Variants in TG observed in about 807,000 individuals in gnomAD.
The protein encoded by TG is thyroglobulin.
TG carries 270 observed loss-of-function variants against 324.7 expected under a neutral mutation model. The observed-to-expected ratio is 0.83, with a 90% CI of 0.75 to 0.92. TG has a LOEUF of 0.92. Ranked by LOEUF, TG falls within the 40% of genes least tolerant of loss-of-function variation. The pLI is 0.00. For missense variants in TG, 3,591 were observed against 3,456.4 expected (o/e 1.04, Z -0.98); for synonymous variants, 1,401 against 1,327.0 (o/e 1.06, Z -1.21).
chr8:132,895,854 A>T (rs1480752003), intron 11 of TG, among the ~76,000 whole-genome samples: 1 of 152,222 alleles, frequency 6.6e-6, no homozygotes, highest in East Asian at 1.9e-4. Context: ...TAGTCATTGA[A>T]TGGCATGTTG....
chr8:133,047,984 G>T, intron 41 of TG: 1 of 1,145,076 alleles, frequency 8.7e-7, no homozygotes, highest in South Asian at 1.3e-5. Flanking sequence ...CCTCCCCCAG[G>T]AAAGGCAGGA....
intron 41 of TG, among the ~76,000 whole-genome samples, chr8:133,057,774 C>CA (rs5895173): frequency 0.075 from 10,677 of 141,898 alleles, 447 homozygotes; most frequent in African/African-American, 0.12. Context: ...AAACAAAAAA[C>CA]AAAAAAAAAA....
chr8:132,980,805 GGTATCAGAAATGTT>G (rs945289623), intron 34 of TG, among the ~76,000 whole-genome samples: 3 of 152,172 alleles, frequency 2.0e-5, no homozygotes, highest in African/African-American at 7.2e-5. Context: ...TGACAGATGT[GGTATCAGAAATGTT>G]GTGAGTAAAA....
chr8:132,910,251 C>T (rs1446365971), intron 18 of TG, among the ~76,000 whole-genome samples: 2 of 152,200 alleles, frequency 1.3e-5, no homozygotes, highest in African/African-American at 4.8e-5. Context: ...GGCTGGCTTT[C>T]AGGGCCCTGT....
chr8:132,899,094 G>A (rs777304414), intron 14 of TG, 184 bp downstream of exon 14: 19 of 650,036 alleles, frequency 2.9e-5, no homozygotes, highest in Non-Finnish European at 5.3e-5. Context: ...CCTTTTCTGT[G>A]TCCCAGTTTG....
At chr8:132,935,395 C>T (rs879268071) in intron 24 of TG, among the ~76,000 whole-genome samples, 10 of 151,938 alleles carry the variant, frequency 6.6e-5, no homozygotes, top group Admixed American at 4.6e-4. Flanking sequence ...CCACCCGCCT[C>T]GGCCTCCCAA....
intron 22 of TG, among the ~76,000 whole-genome samples, chr8:132,925,552 T>TGTGTGTGTG (rs60544202): frequency 2.2e-4 from 34 of 151,456 alleles, no homozygotes; most frequent in South Asian, 8.4e-4. Flanking sequence ...TGTGTGTGTG[T>TGTGTGTGTG]TCTTGAATAA....
At chr8:133,072,323 G>A (rs2131441932) in intron 41 of TG, among the ~76,000 whole-genome samples, 1 of 152,356 alleles carries the variant, frequency 6.6e-6, no homozygotes, top group South Asian at 2.1e-4. Context: ...GGAGGAAGTG[G>A]TTTGAACAGA....
At chr8:133,099,764 C>A (rs1186287115) in intron 43 of TG, among the ~76,000 whole-genome samples, 1 of 152,210 alleles carries the variant, frequency 6.6e-6, no homozygotes, top group Non-Finnish European at 1.5e-5. Flanking sequence ...ACCCTACCAG[C>A]ATTCTATCAG....
At chr8:132,944,901 T>C (rs1040349497) in intron 26 of TG, among the ~76,000 whole-genome samples, 1 of 152,028 alleles carries the variant, frequency 6.6e-6, no homozygotes, top group African/African-American at 2.4e-5. Context: ...ATATGCAAAG[T>C]CCCTGTGGGA....
chr8:132,910,123 C>T lies in TG; in HGVS notation c.4003-1254C>T, dbSNP rs147660703. Among the ~76,000 whole-genome samples the T allele has an allele frequency of 1.1e-3, 171 of 152,316 alleles. No homozygotes were observed. The East Asian group carries it at 0.025, about 22-fold the overall frequency. On this transcript the variant is annotated intron_variant, in intron 18 of 47. Transcript: ENST00000220616. ...ACAACTATATGAACACTCACATCCA[C>T]GTTCTCACCTTCACCAGGGGTGTGG...
chr8:133,130,934 G>C (rs538400767), intron 45 of TG, among the ~76,000 whole-genome samples: 1 of 152,250 alleles, frequency 6.6e-6, no homozygotes, highest in South Asian at 2.1e-4. Flanking sequence ...GAAAGAGGAG[G>C]GGGGCCCCTA....
At chr8:133,091,470 T>C (rs7828146) in intron 41 of TG, among the ~76,000 whole-genome samples, 109,051 of 152,092 alleles carry the variant, frequency 0.72, 39,540 homozygotes, top group Non-Finnish European at 0.75. Flanking sequence ...CCACCCCGCT[T>C]CTTGTTGCTT....
At chr8:132,982,665 C>A (rs917443002) in intron 34 of TG, among the ~76,000 whole-genome samples, 5 of 152,182 alleles carry the variant, frequency 3.3e-5, no homozygotes, top group African/African-American at 1.2e-4. Context: ...GAGCTGGTAT[C>A]TTATGCCTGG....
chr8:133,068,750 C>G (rs564089315), intron 41 of TG, among the ~76,000 whole-genome samples: 2 of 152,340 alleles, frequency 1.3e-5, no homozygotes, highest in South Asian at 4.1e-4. Context: ...AGAAGCCATT[C>G]CTGACGTGGC....
At chr8:132,975,590 C>T (rs904704327) in intron 34 of TG, among the ~76,000 whole-genome samples, 2 of 152,150 alleles carry the variant, frequency 1.3e-5, no homozygotes, top group African/African-American at 4.8e-5. Flanking sequence ...ATTGACTGAG[C>T]GTTAATCATA....
intron 8 of TG, among the ~76,000 whole-genome samples, chr8:132,885,638 GACA>G (rs570325955): frequency 1.3e-5 from 2 of 152,146 alleles, no homozygotes; most frequent in Non-Finnish European, 2.9e-5. Context: ...AATGCTGGAA[GACA>G]ACATTTCATT....
chr8:132,928,242 C>T (rs1822174153), intron 22 of TG, among the ~76,000 whole-genome samples: 1 of 152,150 alleles, frequency 6.6e-6, no homozygotes, highest in African/African-American at 2.4e-5. Flanking sequence ...AATGGATGTA[C>T]ATAATTAGTG....
At chr8:133,034,619 C>G (rs541438600) in intron 41 of TG, among the ~76,000 whole-genome samples, 4 of 152,046 alleles carry the variant, frequency 2.6e-5, no homozygotes, top group Non-Finnish European at 5.9e-5. Context: ...AGACCCAGTA[C>G]TAAAGCAGCT....
Sources: allele counts gnomAD v4.1 joint callset (sites outside exome capture counted in the v4.1 genomes callset), GRCh38; gene constraint gnomAD v4.1.1; transcripts MANE v1.5; gene names NCBI Gene and HGNC (gene_info 2026-07-23, HGNC 2026-07-21).